CPED1: variants seen among roughly 807,000 people sequenced by gnomAD.
CPED1 encodes cadherin-like and PC-esterase domain-containing protein 1.
Under a neutral mutation model 128.2 loss-of-function variants are expected in CPED1, and 114 were observed. The ratio of observed to expected loss-of-function variants is 0.89; its 90% CI spans 0.76 to 1.04. The LOEUF (loss-of-function observed/expected upper bound fraction) is 1.04. CPED1 is among the 50% of genes least tolerant of loss of function. The pLI is 0.00. For synonymous variants in CPED1, 462 were observed against 426.7 expected (o/e 1.08, Z -1.02); for missense variants, 1,211 against 1,207.1 (o/e 1.00, Z -0.05).
At chr7:121,109,595 A>AC (rs1358566224) in intron 7 of CPED1, among the ~76,000 whole-genome samples, 2 of 152,138 alleles carry the variant, frequency 1.3e-5, no homozygotes, top group East Asian at 3.8e-4. Flanking sequence ...AGTTCCAGGT[A>AC]CCATAGCCTC....
intron 3 of CPED1, among the ~76,000 whole-genome samples, chr7:121,019,093 T>C (rs534544051): frequency 2.7e-4 from 41 of 152,148 alleles, no homozygotes; most frequent in Middle Eastern, 6.8e-3. Context: ...AGTTTTCCTA[T>C]GACTTATATA....
At chr7:121,201,598 C>A (rs909940743) in intron 16 of CPED1, among the ~76,000 whole-genome samples, 12 of 152,032 alleles carry the variant, frequency 7.9e-5, no homozygotes, top group Admixed American at 7.2e-4. Flanking sequence ...GACTTCTTTG[C>A]AGCTTTTTGT....
intron 3 of CPED1, among the ~76,000 whole-genome samples, chr7:121,040,538 A>G (rs982363979): frequency 6.6e-6 from 1 of 152,042 alleles, no homozygotes; most frequent in Non-Finnish European, 1.5e-5. Context: ...TCAAGTATAG[A>G]CCCTAATTTA....
intron 16 of CPED1, among the ~76,000 whole-genome samples, chr7:121,144,189 A>G (rs77371301): frequency 3.2e-3 from 484 of 152,214 alleles, no homozygotes; most frequent in African/African-American, 0.011. Flanking sequence ...ACTGCTGAGT[A>G]TATTTCTGAA....
At chr7:121,108,955 A>G (rs1444765290) in intron 7 of CPED1, among the ~76,000 whole-genome samples, 3 of 152,134 alleles carry the variant, frequency 2.0e-5, no homozygotes, top group East Asian at 1.9e-4. Flanking sequence ...CTTACTACAC[A>G]ATACCAGTTT....
chr7:121,110,868 T>G (rs780675812), intron 7 of CPED1, among the ~76,000 whole-genome samples: 1 of 152,128 alleles, frequency 6.6e-6, no homozygotes, highest in Non-Finnish European at 1.5e-5. Context: ...GGGGTCCAGA[T>G]GAGGAGCATG....
intron 16 of CPED1, among the ~76,000 whole-genome samples, chr7:121,188,982 A>T (rs1797066079): frequency 6.6e-6 from 1 of 152,154 alleles, no homozygotes; most frequent in African/African-American, 2.4e-5. Flanking sequence ...GGGCAACAGT[A>T]ACCTTGCTTC....
chr7:121,204,667 C>A (rs1355592851), intron 16 of CPED1, among the ~76,000 whole-genome samples: 1 of 152,078 alleles, frequency 6.6e-6, no homozygotes, highest in Non-Finnish European at 1.5e-5. Flanking sequence ...ATCTCATTTC[C>A]CCTGGATACA....
At chr7:121,080,516 G>C (rs572501666) in intron 5 of CPED1, among the ~76,000 whole-genome samples, 2 of 152,078 alleles carry the variant, frequency 1.3e-5, no homozygotes, top group Non-Finnish European at 2.9e-5. Flanking sequence ...GCCATCAGGG[G>C]CTCTGCCTGG....
At chr7:121,029,918 G>A (rs1212801038) in intron 3 of CPED1, among the ~76,000 whole-genome samples, 1 of 151,912 alleles carries the variant, frequency 6.6e-6, no homozygotes, top group Non-Finnish European at 1.5e-5. Flanking sequence ...ATTTTATAGT[G>A]CTTTGAAAGA....
chr7:121,243,966 A>T (rs911692189), intron 17 of CPED1, among the ~76,000 whole-genome samples: 1 of 152,226 alleles, frequency 6.6e-6, no homozygotes, highest in Non-Finnish European at 1.5e-5. Flanking sequence ...ATAAGGTTTC[A>T]TGGAACAGAG....
chr7:121,214,682 A>G (rs1797720544), intron 16 of CPED1, among the ~76,000 whole-genome samples: 1 of 152,110 alleles, frequency 6.6e-6, no homozygotes, highest in Admixed American at 6.5e-5. Context: ...AGATACAAGT[A>G]TGCTTCATAG....
intron 16 of CPED1, among the ~76,000 whole-genome samples, chr7:121,235,489 G>A (rs74384357): frequency 0.015 from 2,353 of 152,176 alleles, 30 homozygotes; most frequent in Middle Eastern, 0.068. Flanking sequence ...GGACAGTTGA[G>A]AATATGAGAG....
In CPED1 at chr7:121,032,614, C is replaced by T. The variant is rs187174002; in HGVS notation, c.434-14273C>T. On this transcript the variant is annotated intron_variant, in intron 3 of 22. Coordinates refer to ENST00000310396, the MANE Select transcript of CPED1 (RefSeq NM_024913.5). The stretch of plus-strand genomic sequence containing the variant: ...ACCTAATGTATGCGGGGCTTAAAAC[C>T]TAGATGACAGGTTGATAGGTGTAGC... Among the ~76,000 whole-genome samples the T allele has an allele frequency of 1.2e-3, 177 of 151,928 alleles. 1 individual carries two copies. Among genetic ancestry groups the T allele is most frequent in the Admixed American group, 0.012 (177 of 15,230 alleles).
At chr7:121,265,117 G>A (rs1189081697) in intron 18 of CPED1, among the ~76,000 whole-genome samples, 2 of 152,006 alleles carry the variant, frequency 1.3e-5, no homozygotes, top group Non-Finnish European at 2.9e-5. Flanking sequence ...GGGTTGCAGA[G>A]GAAGAACTTT....
chr7:120,999,149 C>G (rs1791758059), intron 2 of CPED1, among the ~76,000 whole-genome samples: 1 of 152,072 alleles, frequency 6.6e-6, no homozygotes, highest in Admixed American at 6.6e-5. Context: ...ATGAGAGGAA[C>G]TCCTTCTCCC....
intron 22 of CPED1, among the ~76,000 whole-genome samples, chr7:121,271,813 G>A (rs1792234930): frequency 6.6e-6 from 1 of 152,080 alleles, no homozygotes; most frequent in African/African-American, 2.4e-5. Flanking sequence ...TACTTAATGT[G>A]CTAAACTAAT....
In CPED1 at chr7:120,989,449, G is replaced by A. The variant is rs1017517223; in HGVS notation, c.-173G>A. ...CTCTTATTAAAAGCCTCAGACTTTCGGGACCTATGATTCTTTGGCACAACC... is the reference window on the plus strand; with the variant it reads ...CTCTTATTAAAAGCCTCAGACTTTCAGGACCTATGATTCTTTGGCACAACC... On this transcript the variant is annotated 5_prime_UTR_variant, in exon 2 of 23. Transcript: ENST00000310396. 5 of 716,700 alleles carry A rather than the reference G, an allele frequency of 7.0e-6. No individual in the cohort carries two copies. The African/African-American group carries it at 7.2e-5, about 10-fold the overall frequency. The allele number at this position is 716,700 out of a possible 1,614,324, so 44.4% of individuals were successfully genotyped here. A position where few individuals can be genotyped will look rare whatever the true frequency, so the allele number is the denominator to read the frequency against.
At chr7:121,219,011 A>G (rs1281106222) in intron 16 of CPED1, among the ~76,000 whole-genome samples, 1 of 152,056 alleles carries the variant, frequency 6.6e-6, no homozygotes, top group African/African-American at 2.4e-5. Flanking sequence ...CACTTCCAAA[A>G]CTGATCTAGA....
Sources: allele counts gnomAD v4.1 joint callset (sites outside exome capture counted in the v4.1 genomes callset), GRCh38; gene constraint gnomAD v4.1.1; transcripts MANE v1.5; gene names NCBI Gene and HGNC (gene_info 2026-07-23, HGNC 2026-07-21).